The following ACSBG1 variants were observed in gnomAD, a reference collection of about 807,000 sequenced individuals.
The protein encoded by ACSBG1 is long-chain-fatty-acid--CoA ligase ACSBG1.
Under a neutral mutation model 80.2 loss-of-function variants are expected in ACSBG1, and 39 were observed. That is an observed-to-expected ratio of 0.49 (90% CI 0.38 to 0.64). The LOEUF is 0.64. ACSBG1 is among the 30% of genes least tolerant of loss of function. The pLI is 0.00. For missense variants in ACSBG1, 828 were observed against 966.4 expected (o/e 0.86, Z 1.90); for synonymous variants, 392 against 379.5 (o/e 1.03, Z -0.38).
chr15:78,182,936 A>AC, intron 5 of ACSBG1, 151 bp from the exon 6 acceptor site: 1 of 759,190 alleles, frequency 1.3e-6, no homozygotes, highest in Non-Finnish European at 2.2e-6. Context: ...GCCACCCTTC[A>AC]CCCATAGTTT....
chr15:78,222,993 T>C (rs550724148), intron 1 of ACSBG1, among the ~76,000 whole-genome samples: 19 of 152,344 alleles, frequency 1.2e-4, no homozygotes, highest in African/African-American at 4.6e-4. Flanking sequence ...GCCCCATCAA[T>C]AGGTAGAATC....
chr15:78,197,697 C>T (rs1029739666), intron 2 of ACSBG1, among the ~76,000 whole-genome samples: 3 of 127,612 alleles, frequency 2.4e-5, no homozygotes, highest in Non-Finnish European at 4.7e-5. Context: ...CCAGCCTGGG[C>T]GATAGAGCAA....
At position 78,171,070 on chromosome 15, in the gene ACSBG1, C is replaced by CATCT; in HGVS notation, c.*370_*373dup. 6.0e-6 allele frequency: 1 copy of CATCT among 166,184 alleles called. No individual in the cohort carries two copies. The highest frequency in any genetic ancestry group is 1.3e-5 in the Non-Finnish European group (1 of 76,464). 10.3% of individuals were successfully genotyped at this position (166,184 alleles called of 1,614,324 possible). On this transcript the variant is annotated 3_prime_UTR_variant, in exon 14 of 14. Coordinates refer to ENST00000258873, the MANE Select transcript of ACSBG1 (RefSeq NM_015162.5). ...TGCAGCGCACGTGAGCAGTATCAGC[C>CATCT]ATCTCTCTCCTACCCGCTCCACAGC...
intron 3 of ACSBG1, 71 bp from the exon 4 acceptor site, chr15:78,194,091 C>T (rs2075087550): frequency 1.4e-6 from 2 of 1,460,542 alleles, no homozygotes; most frequent in Non-Finnish European, 1.9e-6. Context: ...TCTCAGAGCC[C>T]CCACCCAGAC....
In ACSBG1 at chr15:78,177,387, G is replaced by A. The variant is rs748946533; in HGVS notation, c.1702+1227C>T. Among the ~76,000 whole-genome samples the A allele has an allele frequency of 6.6e-5, 10 of 152,202 alleles. No homozygotes were observed. The highest frequency in any genetic ancestry group is 1.0e-4 in the Non-Finnish European group (7 of 68,040). ...TATCACTGCAAGGCCATGGGGAAAG[G>A]ATGCTGTGTCCGTTGGATATGTATT... On this transcript the variant is annotated intron_variant, in intron 11 of 13. Transcript: ENST00000258873. The surrounding 1 kb of genome is among the most constrained non-coding windows in gnomAD (Gnocchi z 4.1).
Position 78,208,100 on chromosome 15 carries a change from G to A in ACSBG1, c.134C>T (p.Ser45Leu). The change falls in exon 2 of 14, where the codon TCA becomes TTA. Residue 45 changes from serine to leucine, a missense_variant and splice_region_variant. Physicochemically the swap from Ser to Leu is moderately radical, Grantham distance 145 (BLOSUM62 -2). Coordinates refer to ENST00000258873, the MANE Select transcript of ACSBG1 (RefSeq NM_015162.5). The part of the protein sequence containing the change: ...RTTQEKLKTS[S>L]LTDRQPLSKE... Reference sequence around the variant, plus strand: ...GGAGAGTGGCTGCCTGTCAGTCAGTGAGCTGGGGTGGTGAGGGGACCAGGA... The same window carrying A: ...GGAGAGTGGCTGCCTGTCAGTCAGTAAGCTGGGGTGGTGAGGGGACCAGGA... 1 of 1,613,306 alleles carries A rather than the reference G, an allele frequency of 6.2e-7. No individual in the cohort carries two copies. The highest frequency in any genetic ancestry group is 8.5e-7 in the Non-Finnish European group (1 of 1,179,552).
chr15:78,212,705 G>T (rs912877896), intron 1 of ACSBG1: 18 of 417,700 alleles, frequency 4.3e-5, no homozygotes, highest in Admixed American at 1.5e-4. Flanking sequence ...GCCCCAGAGA[G>T]GCCCGGCTCC....
In ACSBG1 at chr15:78,195,740, G is replaced by T. The variant is rs770830590; in HGVS notation, c.233-1014C>A. ...TGGGTGGTCTGGACCCTTTGGTCCC[G>T]TGAGACGTCCTTTCCTTGGGGCAAG... On this transcript the variant is annotated intron_variant, in intron 2 of 13. Coordinates refer to ENST00000258873, the MANE Select transcript of ACSBG1 (RefSeq NM_015162.5). 7.2e-5 allele frequency among the ~76,000 whole-genome samples: 11 copies of T among 152,252 alleles called. No individual in the cohort carries two copies. The South Asian group carries it at 2.3e-3, about 32-fold the overall frequency.
intron 10 of ACSBG1, 108 bp downstream of exon 10, chr15:78,179,442 C>T (rs2074917467): frequency 9.5e-7 from 1 of 1,052,936 alleles, no homozygotes; most frequent in Non-Finnish European, 1.4e-6. Flanking sequence ...TCTCTGGGAC[C>T]CAACTGGCAT....
chr15:78,193,495 CT>C lies in ACSBG1; in HGVS notation c.663+10del. 1.9e-6 allele frequency: 3 copies of C among 1,603,424 alleles called. No homozygotes were observed. The highest frequency in any genetic ancestry group is 2.6e-6 in the Non-Finnish European group (3 of 1,174,078). ...GCATCTGACCCCATGCCCACTGCCT[CT>C]TCCCCAAACCTTCAGGATCTTTTCC... On this transcript the variant is annotated intron_variant, in intron 5 of 13. Transcript: ENST00000258873.
chr15:78,208,821 G>A (rs950226739), intron 1 of ACSBG1, among the ~76,000 whole-genome samples: 1 of 152,184 alleles, frequency 6.6e-6, no homozygotes, highest in African/African-American at 2.4e-5. Context: ...GGGTTTCTGG[G>A]CTTTCATTAT....
intron 5 of ACSBG1, among the ~76,000 whole-genome samples, chr15:78,183,646 G>C (rs1479916542): frequency 6.6e-6 from 1 of 152,194 alleles, no homozygotes; most frequent in African/African-American, 2.4e-5. Flanking sequence ...CGGGAATAAA[G>C]GGAAGAAGAA....
intron 1 of ACSBG1, among the ~76,000 whole-genome samples, chr15:78,222,730 T>C (rs1291058686): frequency 6.6e-6 from 1 of 151,992 alleles, no homozygotes; most frequent in Admixed American, 6.6e-5. Flanking sequence ...GAGGACATAT[T>C]ACATAAAAGG....
chr15:78,230,412 C>T (rs1595909141), intron 1 of ACSBG1, among the ~76,000 whole-genome samples: 2 of 152,324 alleles, frequency 1.3e-5, no homozygotes, highest in African/African-American at 4.8e-5. Context: ...CCTGTCTTCC[C>T]CTCTGCAACA....
intron 1 of ACSBG1, among the ~76,000 whole-genome samples, chr15:78,216,494 C>T (rs951560975): frequency 2.6e-5 from 4 of 152,126 alleles, no homozygotes; most frequent in African/African-American, 7.2e-5. Flanking sequence ...TCCCCAGTCT[C>T]GGTTTTCCAG....
At chr15:78,207,743 T>C in intron 2 of ACSBG1, 1 of 504,994 alleles carries the variant, frequency 2.0e-6, no homozygotes, top group Middle Eastern at 5.3e-4. Flanking sequence ...TGTCTCTCTA[T>C]CTCTGGCCTC....
Position 78,172,228 on chromosome 15 carries a change from A to G in ACSBG1, c.2090-699T>C, listed in dbSNP as rs2074832755. 6.6e-6 allele frequency among the ~76,000 whole-genome samples: 1 copy of G among 152,258 alleles called. No individual in the cohort carries two copies. The highest frequency in any genetic ancestry group is 1.5e-5 in the Non-Finnish European group (1 of 68,050). On this transcript the variant is annotated intron_variant, in intron 13 of 13. Transcript: ENST00000258873. This position sits in a 1 kb window ranked among gnomAD's most constrained non-coding sequence, Gnocchi z 4.1. ...TGTTCCTGGATTCTTGACCCATAGA[A>G]ATGTGGATAATAAATGTTTACTGCT...
At chr15:78,233,048 C>A (rs2141397934) in intron 1 of ACSBG1, among the ~76,000 whole-genome samples, 1 of 152,334 alleles carries the variant, frequency 6.6e-6, no homozygotes, top group South Asian at 2.1e-4. Context: ...AGCCCACAGA[C>A]CCCAGGGAGG....
Position 78,234,539 on chromosome 15 carries a change from A to C in ACSBG1, c.-38T>G. The stretch of plus-strand genomic sequence containing the variant: ...TCCACTGAAGACAGCTCAGTCACCC[A>C]CTGAGAGAGGCTAGCCTTGAGTGAG... On this transcript the variant is annotated 5_prime_UTR_variant, in exon 1 of 14. Coordinates refer to ENST00000258873, the MANE Select transcript of ACSBG1 (RefSeq NM_015162.5). The C allele has an allele frequency of 1.9e-6, 3 of 1,596,168 alleles. No individual in the cohort carries two copies. The highest frequency in any genetic ancestry group is 2.6e-6 in the Non-Finnish European group (3 of 1,174,948).
Sources: gnomAD v4.1 joint callset for allele counts (sites outside exome capture counted in the v4.1 genomes callset) on GRCh38, gnomAD v4.1.1 for gene constraint, Gnocchi (gnomAD v3.1) non-coding constraint, MANE v1.5 for transcripts, NCBI Gene and HGNC (gene_info 2026-07-23, HGNC 2026-07-21) for gene names.